KCNMB2: variants seen among roughly 807,000 people sequenced by gnomAD.
KCNMB2 encodes the protein potassium calcium-activated channel subfamily M regulatory beta subunit 2.
KCNMB2 carries 9 observed loss-of-function variants against 24.5 expected under a neutral mutation model. The ratio of observed to expected loss-of-function variants is 0.37; its 90% CI spans 0.22 to 0.64. The LOEUF is 0.64. Among genes scored for constraint, KCNMB2 ranks in the 30% least tolerant of loss-of-function variants. The pLI is 0.63. For missense variants in KCNMB2, 226 were observed against 284.3 expected, an observed-to-expected ratio of 0.79 and a Z score of 1.47; for synonymous variants, 109 against 104.4, an observed-to-expected ratio of 1.04 and a Z score of -0.27.
At chr3:178,778,468 A>G (rs956708201) in intron 1 of KCNMB2, among the ~76,000 whole-genome samples, 732 of 64,576 alleles carry the variant, frequency 0.011, 2 homozygotes, top group South Asian at 0.02. Context: ...ACACACACAC[A>G]CACACACACA....
intron 1 of KCNMB2, among the ~76,000 whole-genome samples, chr3:178,726,917 TG>T (rs1489433610): frequency 5.3e-5 from 8 of 152,104 alleles, no homozygotes; most frequent in Non-Finnish European, 1.0e-4. Flanking sequence ...CAGTTTCAGC[TG>T]TTCTTTCATT....
At position 178,692,886 on chromosome 3, in the gene KCNMB2, G is replaced by A. The variant is rs553019002; in HGVS notation, c.-67-114457G>A. 9.9e-4 allele frequency among the ~76,000 whole-genome samples: 151 copies of A among 152,260 alleles called. 1 individual carries two copies. Among genetic ancestry groups the A allele is most frequent in the South Asian group, 1.9e-3 (9 of 4,828 alleles). Reference sequence around the variant, plus strand: ...TTGATTATTCATATCCACGAGCATGGAATGTTTTCCCATTTGTTTGTGTCA... The same window carrying A: ...TTGATTATTCATATCCACGAGCATGAAATGTTTTCCCATTTGTTTGTGTCA... On this transcript the variant is annotated intron_variant, in intron 1 of 4. Coordinates refer to ENST00000452583, the MANE Select transcript of KCNMB2 (RefSeq NM_181361.3).
chr3:178,809,117 T>C (rs946099749), intron 2 of KCNMB2, among the ~76,000 whole-genome samples: 1 of 152,194 alleles, frequency 6.6e-6, no homozygotes, highest in African/African-American at 2.4e-5. Flanking sequence ...TGTAACACTA[T>C]AAAATTTCAT....
intron 1 of KCNMB2, among the ~76,000 whole-genome samples, chr3:178,638,182 T>C (rs1167541172): frequency 6.6e-6 from 1 of 152,166 alleles, no homozygotes; most frequent in African/African-American, 2.4e-5. Flanking sequence ...ACCAGAGTTA[T>C]TTTTCAAAGG....
At chr3:178,813,983 T>TTGTTGCTGC (rs1171041641) in intron 2 of KCNMB2, among the ~76,000 whole-genome samples, 1 of 127,330 alleles carries the variant, frequency 7.9e-6, no homozygotes, top group South Asian at 2.3e-4. Flanking sequence ...GTTGTTGTTG[T>TTGTTGCTGC]TGCTGCTGCT....
At chr3:178,778,462 A>ATGCACGCACGTGCGCGCGCGCGCGCG (rs1712681259) in intron 1 of KCNMB2, among the ~76,000 whole-genome samples, 1 of 63,538 alleles carries the variant, frequency 1.6e-5, no homozygotes, top group Non-Finnish European at 3.0e-5. Context: ...TAAGACACAC[A>ATGCACGCACGTGCGCGCGCGCGCGCG]CACACACACA....
intron 1 of KCNMB2, among the ~76,000 whole-genome samples, chr3:178,766,439 C>T (rs542518186): frequency 6.6e-6 from 1 of 152,280 alleles, no homozygotes; most frequent in South Asian, 2.1e-4. Context: ...AGTGATCCTC[C>T]TGCTTCAGCT....
chr3:178,711,063 A>G (rs939733376), intron 1 of KCNMB2, among the ~76,000 whole-genome samples: 5 of 152,134 alleles, frequency 3.3e-5, no homozygotes, highest in Non-Finnish European at 7.3e-5. Flanking sequence ...TTATATAAAT[A>G]GTTTATTAAG....
chr3:178,540,934 G>A (rs1715596549), intron 1 of KCNMB2, among the ~76,000 whole-genome samples: 1 of 152,108 alleles, frequency 6.6e-6, no homozygotes, highest in African/African-American at 2.4e-5. Context: ...CGTAGAATAG[G>A]GTCTCTTATG....
intron 3 of KCNMB2, among the ~76,000 whole-genome samples, chr3:178,826,751 G>A (rs1163890104): frequency 6.6e-6 from 1 of 152,220 alleles, no homozygotes; most frequent in Non-Finnish European, 1.5e-5. Flanking sequence ...CATTTTAGAA[G>A]CAAAATCTAG....
Position 178,653,777 on chromosome 3 carries a change from T to C in KCNMB2, c.-68+117066T>C, listed in dbSNP as rs533357595. On this transcript the variant is annotated intron_variant, in intron 1 of 4. Coordinates refer to ENST00000452583, the MANE Select transcript of KCNMB2 (RefSeq NM_181361.3). ...GCTTAATTATAATTTTCATAAAATA[T>C]ACTGTAAAATTTGGCTAGCTGAGAT... Among the ~76,000 whole-genome samples the C allele has an allele frequency of 2.6e-5, 4 of 152,298 alleles. No homozygotes were observed. The South Asian group carries it at 8.3e-4, about 32-fold the overall frequency.
intron 1 of KCNMB2, among the ~76,000 whole-genome samples, chr3:178,572,345 A>C (rs1716834699): frequency 1.3e-5 from 2 of 152,306 alleles, no homozygotes; most frequent in South Asian, 4.1e-4. Flanking sequence ...GGAAACAGAA[A>C]ATCACTGATT....
intron 1 of KCNMB2, among the ~76,000 whole-genome samples, chr3:178,635,101 GTA>G (rs1719470237): frequency 1.3e-5 from 2 of 152,110 alleles, no homozygotes; most frequent in South Asian, 4.2e-4. Flanking sequence ...CGCAGACAAG[GTA>G]GTGCTTCTCT....
intron 1 of KCNMB2, among the ~76,000 whole-genome samples, chr3:178,759,580 TATATAC>T (rs1163135842): frequency 3.8e-5 from 5 of 129,994 alleles, no homozygotes; most frequent in South Asian, 2.4e-4. Context: ...CACGAGGATA[TATATAC>T]ATATATCTCT....
Position 178,627,379 on chromosome 3 carries a change from T to C in KCNMB2, c.-68+90668T>C, listed in dbSNP as rs183889475. On this transcript the variant is annotated intron_variant, in intron 1 of 4. Coordinates refer to ENST00000452583, the MANE Select transcript of KCNMB2 (RefSeq NM_181361.3). Reference sequence around the variant, plus strand: ...GGCTTTGAACATCCATTTTGGATTATAGTAGAATGTCCTAGGAGAACAGTT... The same window carrying C: ...GGCTTTGAACATCCATTTTGGATTACAGTAGAATGTCCTAGGAGAACAGTT... 2.8e-4 allele frequency among the ~76,000 whole-genome samples: 43 copies of C among 152,286 alleles called. No homozygotes were observed. The East Asian group carries it at 7.5e-3, about 27-fold the overall frequency.
chr3:178,787,874 T>C (rs754057028), intron 1 of KCNMB2, among the ~76,000 whole-genome samples: 1 of 152,232 alleles, frequency 6.6e-6, no homozygotes, highest in Non-Finnish European at 1.5e-5. Flanking sequence ...GATTGAAATT[T>C]TATCTTCACC....
intron 1 of KCNMB2, among the ~76,000 whole-genome samples, chr3:178,540,671 T>C (rs1192903303): frequency 6.6e-6 from 1 of 152,230 alleles, no homozygotes; most frequent in African/African-American, 2.4e-5. Flanking sequence ...TTCCCCTGCA[T>C]AGTCACTTGA....
At chr3:178,625,841 T>C (rs933852117) in intron 1 of KCNMB2, among the ~76,000 whole-genome samples, 3 of 152,208 alleles carry the variant, frequency 2.0e-5, no homozygotes, top group Admixed American at 1.3e-4. Flanking sequence ...GGGTCACGTG[T>C]TCGTGTTCTT....
At chr3:178,634,364 G>T (rs1263054211) in intron 1 of KCNMB2, among the ~76,000 whole-genome samples, 1 of 152,104 alleles carries the variant, frequency 6.6e-6, no homozygotes, top group Non-Finnish European at 1.5e-5. Flanking sequence ...AGGTTTAATT[G>T]ACTCACAGTT....
Sources: gnomAD v4.1 joint callset for allele counts (sites outside exome capture counted in the v4.1 genomes callset) on GRCh38, gnomAD v4.1.1 for gene constraint, MANE v1.5 for transcripts, NCBI Gene and HGNC (gene_info 2026-07-23, HGNC 2026-07-21) for gene names.